IGF2BP3: variants seen among roughly 807,000 people sequenced by gnomAD.
IGF2BP3 encodes the protein insulin-like growth factor 2 mRNA-binding protein 3.
A neutral mutation model predicts 73.8 loss-of-function variants in IGF2BP3; 9 were observed. The observed-to-expected ratio is 0.12, with a 90% CI of 0.07 to 0.21. IGF2BP3 has a LOEUF of 0.21. IGF2BP3 is among the 10% of genes least tolerant of loss of function. The probability of loss-of-function intolerance (pLI) is 1.00; values close to 1 mark genes in which losing one functional copy is unlikely to be tolerated. For missense variants in IGF2BP3, 542 were observed against 714.0 expected, an observed-to-expected ratio of 0.76 and a Z score of 2.75; for synonymous variants, 258 against 256.7, an observed-to-expected ratio of 1.01 and a Z score of -0.05.
chr7:23,357,617 G>A (rs572350989), intron 5 of IGF2BP3, among the ~76,000 whole-genome samples: 16 of 152,202 alleles, frequency 1.1e-4, no homozygotes, highest in African/African-American at 3.1e-4. Flanking sequence ...AGCCTCTCTC[G>A]CTCTGAGGAA....
At chr7:23,372,845 C>T (rs1488945059) in intron 3 of IGF2BP3, among the ~76,000 whole-genome samples, 1 of 152,178 alleles carries the variant, frequency 6.6e-6, no homozygotes, top group African/African-American at 2.4e-5. Context: ...TAACTCAAAT[C>T]CACACAATCC....
intron 3 of IGF2BP3, chr7:23,414,794 G>A (rs917683654): frequency 1.3e-4 from 22 of 174,628 alleles, no homozygotes; most frequent in Non-Finnish European, 1.9e-4. Context: ...GCTCTTGCCC[G>A]TCTGTCAGTC....
chr7:23,313,951 C>G (rs748111415), intron 12 of IGF2BP3, among the ~76,000 whole-genome samples: 2 of 152,174 alleles, frequency 1.3e-5, no homozygotes, highest in Non-Finnish European at 2.9e-5. Context: ...TTTTTGTGGG[C>G]AAATGGCCAT....
At chr7:23,465,038 CAG>C (rs1788534102) in intron 2 of IGF2BP3, among the ~76,000 whole-genome samples, 2 of 152,142 alleles carry the variant, frequency 1.3e-5, no homozygotes, top group Non-Finnish European at 1.5e-5. Flanking sequence ...CTCAGTTCCC[CAG>C]TGTCAGCAAT....
chr7:23,391,906 C>T (rs1284924732), intron 3 of IGF2BP3, among the ~76,000 whole-genome samples: 21 of 152,190 alleles, frequency 1.4e-4, no homozygotes, highest in Admixed American at 1.4e-3. Flanking sequence ...AGGCCTTACT[C>T]TTCAATGTAT....
chr7:23,464,085 A>C (rs1402711479), intron 2 of IGF2BP3, among the ~76,000 whole-genome samples: 1 of 152,200 alleles, frequency 6.6e-6, no homozygotes, highest in African/African-American at 2.4e-5. Flanking sequence ...TCTACATTAA[A>C]AACAGCTTTT....
chr7:23,468,771 G>A (rs1195836863), intron 1 of IGF2BP3, among the ~76,000 whole-genome samples: 9 of 152,194 alleles, frequency 5.9e-5, no homozygotes, highest in Non-Finnish European at 1.3e-4. Flanking sequence ...CACTACTTGG[G>A]TATCAGTCCA....
chr7:23,459,482 G>A (rs1018778230), intron 2 of IGF2BP3, among the ~76,000 whole-genome samples: 6 of 152,030 alleles, frequency 3.9e-5, no homozygotes, highest in Non-Finnish European at 5.9e-5. Flanking sequence ...TAAACGTTTT[G>A]GCCAACAGTT....
intron 3 of IGF2BP3, among the ~76,000 whole-genome samples, chr7:23,401,817 A>G (rs1224318024): frequency 2.0e-5 from 3 of 151,964 alleles, no homozygotes; most frequent in Non-Finnish European, 4.4e-5. Context: ...AATGCAGTCT[A>G]GGCCGGGCAC....
chr7:23,349,978 C>T (rs1655434432), intron 6 of IGF2BP3, among the ~76,000 whole-genome samples: 1 of 152,100 alleles, frequency 6.6e-6, no homozygotes, highest in African/African-American at 2.4e-5. Flanking sequence ...GTTGTCTTTC[C>T]CACTCCTACA....
chr7:23,442,639 C>A (rs1787963489), intron 2 of IGF2BP3, among the ~76,000 whole-genome samples: 1 of 152,034 alleles, frequency 6.6e-6, no homozygotes. Context: ...CTCAGGTGAC[C>A]CACCCACCTC....
At position 23,372,617 on chromosome 7, in the gene IGF2BP3, C is replaced by A. The variant is rs183833749; in HGVS notation, c.286-10876G>T. 1.1e-3 allele frequency among the ~76,000 whole-genome samples: 168 copies of A among 152,172 alleles called. 1 individual carries two copies. The highest frequency in any genetic ancestry group is 3.8e-3 in the African/African-American group (158 of 41,504). On this transcript the variant is annotated intron_variant, in intron 3 of 14. Transcript: ENST00000258729. ...CTGAGTTACTTCACTTAGAATAATA[C>A]GGAACTAGACTGATTTTAAAAGCCG...
intron 2 of IGF2BP3, among the ~76,000 whole-genome samples, chr7:23,437,992 G>C (rs1453288728): frequency 6.6e-6 from 1 of 152,198 alleles, no homozygotes; most frequent in Non-Finnish European, 1.5e-5. Flanking sequence ...CTTTATCTTA[G>C]ATGAATACTA....
chr7:23,425,944 C>T (rs749405626), intron 2 of IGF2BP3, among the ~76,000 whole-genome samples: 8 of 151,198 alleles, frequency 5.3e-5, no homozygotes, highest in Non-Finnish European at 8.8e-5. Flanking sequence ...CCAGCCTGGG[C>T]AACAGGGTGA....
In IGF2BP3 at chr7:23,347,690, G is replaced by A. The variant is rs749735512; in HGVS notation, c.728C>T (p.Ser243Leu). ...TTCAGGAGTAGAGAGGATAGTAATC[G>A]ACTTCTCAGCAGCCCCCGCATTTTC... ...RKENAGAAEK[S>L]ITILSTPEGT... is the part of the protein sequence containing the mutation. Residue 243 changes from serine (S) to leucine (L), a missense_variant, in exon 7 of 15, where the codon TCG becomes TTG. This residue lies in a region of IGF2BP3 where 303 missense variants were observed against 472.1 expected (regional missense o/e 0.64). Transcript: ENST00000258729. 5.0e-6 allele frequency: 8 copies of A among 1,613,874 alleles called. No individual in the cohort carries two copies. In the South Asian group the frequency reaches 7.7e-5, roughly 16 times the overall value.
In IGF2BP3 at chr7:23,424,042, C is replaced by T. The variant is rs185297799; in HGVS notation, c.237-5218G>A. ...CTGAGGCAGCAGAATTGCTTGAACC[C>T]GGGAGACGGAGGTTGCAGTTAGCCA... On this transcript the variant is annotated intron_variant, in intron 2 of 14. Transcript: ENST00000258729. Among the ~76,000 whole-genome samples, 260 of 151,852 alleles carry T rather than the reference C, an allele frequency of 1.7e-3. 1 individual carries two copies. The highest frequency in any genetic ancestry group is 0.017 in the Admixed American group (253 of 15,244).
At chr7:23,455,074 G>C (rs1470947417) in intron 2 of IGF2BP3, among the ~76,000 whole-genome samples, 3 of 152,124 alleles carry the variant, frequency 2.0e-5, no homozygotes, top group African/African-American at 7.2e-5. Context: ...AAGTTCAGTG[G>C]GATCTCTGGT....
At chr7:23,395,003 T>C (rs1297096052) in intron 3 of IGF2BP3, among the ~76,000 whole-genome samples, 1 of 152,128 alleles carries the variant, frequency 6.6e-6, no homozygotes. Flanking sequence ...AAGAAGAACA[T>C]GGAGTAATGA....
At chr7:23,425,397 T>G (rs1271442357) in intron 2 of IGF2BP3, among the ~76,000 whole-genome samples, 1 of 152,232 alleles carries the variant, frequency 6.6e-6, no homozygotes, top group African/African-American at 2.4e-5. Flanking sequence ...GTATTTTTTC[T>G]AAGAGATAGG....
Sources: allele counts gnomAD v4.1 joint callset (sites outside exome capture counted in the v4.1 genomes callset), GRCh38; gene constraint gnomAD v4.1.1; regional missense constraint gnomAD v4.1.1; transcripts MANE v1.5; gene names NCBI Gene and HGNC (gene_info 2026-07-23, HGNC 2026-07-21).